The following SNTG2 variants were observed in gnomAD, a reference collection of about 807,000 sequenced individuals.
The protein encoded by SNTG2 is syntrophin gamma 2.
A neutral mutation model predicts 70.9 loss-of-function variants in SNTG2; 74 were observed. The observed-to-expected ratio is 1.04, with a 90% CI of 0.86 to 1.27. SNTG2 has a LOEUF of 1.27. Among genes scored for constraint, SNTG2 ranks in the 50% most tolerant of loss-of-function variants. The pLI, the probability that SNTG2 is intolerant of heterozygous loss-of-function variation, is 0.00. For missense variants in SNTG2, 717 were observed against 690.7 expected, an observed-to-expected ratio of 1.04 and a Z score of -0.43; for synonymous variants, 278 against 273.8, an observed-to-expected ratio of 1.02 and a Z score of -0.15.
At chr2:1,159,466 G>C (rs947497008) in intron 6 of SNTG2, 2 of 151,992 alleles carry the variant, frequency 1.3e-5, no homozygotes, top group African/African-American at 4.8e-5. Flanking sequence ...CACACTTCTG[G>C]AAACTGTAAA....
intron 4 of SNTG2, among the ~76,000 whole-genome samples, chr2:1,100,021 G>A (rs2148217425): frequency 6.6e-6 from 1 of 152,350 alleles, no homozygotes; most frequent in Middle Eastern, 3.4e-3. Context: ...AGCCTCAGAG[G>A]CAGCAGGTGC....
intron 9 of SNTG2, among the ~76,000 whole-genome samples, chr2:1,234,670 G>A (rs1265076177): frequency 6.6e-6 from 1 of 152,154 alleles, no homozygotes; most frequent in African/African-American, 2.4e-5. Flanking sequence ...CCCCTCGTGC[G>A]AGTCCGTGAG....
intron 9 of SNTG2, among the ~76,000 whole-genome samples, chr2:1,225,854 G>T (rs1345504725): frequency 1.3e-5 from 2 of 152,220 alleles, no homozygotes; most frequent in African/African-American, 4.8e-5. Flanking sequence ...AGGAGGTGCA[G>T]CCCACGGTGT....
chr2:1,010,702 G>C (rs111905942), intron 1 of SNTG2, among the ~76,000 whole-genome samples: 1 of 152,176 alleles, frequency 6.6e-6, no homozygotes, highest in African/African-American at 2.4e-5. Context: ...TTGAAAGCCT[G>C]TCCAAGGCCC....
intron 14 of SNTG2, among the ~76,000 whole-genome samples, chr2:1,279,983 T>C (rs1679449368): frequency 1.3e-5 from 2 of 152,256 alleles, no homozygotes; most frequent in African/African-American, 4.8e-5. Context: ...CTTTGCGTGA[T>C]ATTATAAAAC....
intron 4 of SNTG2, among the ~76,000 whole-genome samples, chr2:1,134,788 G>C (rs1273649404): frequency 6.6e-6 from 1 of 152,172 alleles, no homozygotes; most frequent in Non-Finnish European, 1.5e-5. Context: ...GTCGCTCGTT[G>C]GGGAGGCTCC....
rs536486142 is a variant in SNTG2 at position 1,018,403 on chromosome 2, C to T, written c.73-65115C>T. On this transcript the variant is annotated intron_variant, in intron 1 of 16. Coordinates refer to ENST00000308624, the MANE Select transcript of SNTG2 (RefSeq NM_018968.4). Reference sequence around the variant, plus strand: ...AAAGATGCCCTTGAAATTTGGTGCCCACTCCTGAGACCATGGTGGGCCCTC... The same window carrying T: ...AAAGATGCCCTTGAAATTTGGTGCCTACTCCTGAGACCATGGTGGGCCCTC... Among the ~76,000 whole-genome samples, 39 of 152,254 alleles carry T rather than the reference C, an allele frequency of 2.6e-4. No individual in the cohort carries two copies. In the South Asian group the frequency reaches 8.1e-3, roughly 32 times the overall value.
chr2:1,091,126 C>T (rs931640988), intron 2 of SNTG2, among the ~76,000 whole-genome samples: 17 of 152,128 alleles, frequency 1.1e-4, no homozygotes, highest in African/African-American at 4.1e-4. Context: ...ATGACAGGCC[C>T]ATTCGCATCT....
Position 963,128 on chromosome 2 carries a change from C to CT in SNTG2, c.72+12067dup, listed in dbSNP as rs536709827. ...ATTAATCATCAGACTATGATTTGAG[C>CT]TTTTTTTAAAAAAAAAACTTCATTA... On this transcript the variant is annotated intron_variant, in intron 1 of 16. Transcript: ENST00000308624. Among the ~76,000 whole-genome samples the CT allele has an allele frequency of 2.6e-3, 401 of 151,664 alleles. 2 individuals are homozygous for CT. Among genetic ancestry groups the CT allele is most frequent in the African/African-American group, 9.2e-3 (380 of 41,288 alleles).
rs535388168 is a variant in SNTG2 at position 1,305,377 on chromosome 2, C to A, written c.1285-3117C>A. On this transcript the variant is annotated intron_variant, in intron 14 of 16. Coordinates refer to ENST00000308624, the MANE Select transcript of SNTG2 (RefSeq NM_018968.4). ...GTCTATGAGGATGTCTTTCAAGAAA[C>A]CAGTACACAAAAATAAACATTCCCA... Among the ~76,000 whole-genome samples the A allele has an allele frequency of 3.3e-5, 5 of 152,288 alleles. No individual in the cohort carries two copies. In the East Asian group the frequency reaches 9.7e-4, roughly 29 times the overall value.
intron 4 of SNTG2, among the ~76,000 whole-genome samples, chr2:1,130,038 A>G (rs1266918360): frequency 6.6e-6 from 1 of 152,224 alleles, no homozygotes; most frequent in Non-Finnish European, 1.5e-5. Flanking sequence ...CAGGCAAAAG[A>G]ACTCATTCAT....
At chr2:1,250,110 A>G (rs770360595) in intron 12 of SNTG2, among the ~76,000 whole-genome samples, 23 of 152,186 alleles carry the variant, frequency 1.5e-4, no homozygotes, top group African/African-American at 1.9e-4. Flanking sequence ...TCATTCACGT[A>G]GAGGAAGTGC....
chr2:1,340,054 G>A (rs1306475974), intron 16 of SNTG2, among the ~76,000 whole-genome samples: 1 of 152,210 alleles, frequency 6.6e-6, no homozygotes, highest in African/African-American at 2.4e-5. Context: ...AAGAGGCACC[G>A]AGGCACTCGC....
At chr2:1,296,341 C>T (rs1013163389) in intron 14 of SNTG2, among the ~76,000 whole-genome samples, 1 of 152,198 alleles carries the variant, frequency 6.6e-6, no homozygotes, top group South Asian at 2.1e-4. Context: ...AAAACTTATA[C>T]ATATTTTGAC....
intron 16 of SNTG2, among the ~76,000 whole-genome samples, chr2:1,352,291 T>TCC (rs1660620278): frequency 6.6e-6 from 1 of 152,162 alleles, no homozygotes; most frequent in African/African-American, 2.4e-5. Context: ...GCCTCTCCTC[T>TCC]CCTCCCCTCT....
chr2:1,081,485 A>T (rs921997125), intron 1 of SNTG2, among the ~76,000 whole-genome samples: 4 of 152,162 alleles, frequency 2.6e-5, no homozygotes, highest in Non-Finnish European at 5.9e-5. Flanking sequence ...GCCCTTAGGG[A>T]TATGTCTACA....
rs529232705 is a variant in SNTG2, at chr2:1,151,716, G to A, written c.412-13832G>A. On this transcript the variant is annotated intron_variant, in intron 6 of 16. Coordinates refer to ENST00000308624, the MANE Select transcript of SNTG2 (RefSeq NM_018968.4). Reference sequence around the variant, plus strand: ...TGCGCGCCCTTTGCCCGTGCGTGCCGTGCTTCTCATCACTTTGTTACTTTC... The same window carrying A: ...TGCGCGCCCTTTGCCCGTGCGTGCCATGCTTCTCATCACTTTGTTACTTTC... Among the ~76,000 whole-genome samples the A allele has an allele frequency of 2.8e-4, 42 of 152,246 alleles. 1 individual carries two copies. The highest frequency in any genetic ancestry group is 7.9e-4 in the African/African-American group (33 of 41,538).
At chr2:1,265,523 T>C (rs1368893094) in intron 13 of SNTG2, among the ~76,000 whole-genome samples, 2 of 152,200 alleles carry the variant, frequency 1.3e-5, no homozygotes, top group Admixed American at 1.3e-4. Flanking sequence ...CAGAGGGTCA[T>C]CCTGCAGAGC....
At chr2:1,048,424 C>T (rs1393968003) in intron 1 of SNTG2, among the ~76,000 whole-genome samples, 1 of 152,164 alleles carries the variant, frequency 6.6e-6, no homozygotes, top group Non-Finnish European at 1.5e-5. Context: ...TGATGCCAAA[C>T]TCTCTCCATA....
Sources: allele counts gnomAD v4.1 joint callset (sites outside exome capture counted in the v4.1 genomes callset), GRCh38; gene constraint gnomAD v4.1.1; transcripts MANE v1.5; gene names NCBI Gene and HGNC (gene_info 2026-07-23, HGNC 2026-07-21).